Variants in OPHN1 observed in about 807,000 individuals in gnomAD.
The protein encoded by OPHN1 is oligophrenin 1.
In OPHN1, 11 loss-of-function variants were observed where a neutral mutation model predicts 60.7. That is an observed-to-expected ratio of 0.18 (90% CI 0.11 to 0.30). The LOEUF (loss-of-function observed/expected upper bound fraction) is 0.30. Among genes scored for constraint, OPHN1 ranks in the 10% least tolerant of loss-of-function variants. The pLI, the probability that OPHN1 is intolerant of heterozygous loss-of-function variation, is 1.00. For synonymous variants in OPHN1, 226 were observed against 222.6 expected (o/e 1.02, Z -0.14); for missense variants, 449 against 611.0 (o/e 0.73, Z 2.80).
At chrX:68,201,496 A>G in intron 11 of OPHN1, 123 bp downstream of exon 11, 1 of 589,302 alleles carries the variant, frequency 1.7e-6, no homozygotes, top group Non-Finnish European at 2.9e-6. Context: ...TAGACTCACA[A>G]CAAAGTCCTG....
rs745939144 is a variant in OPHN1, at chrX:68,199,862, T to A, written c.1025+1757A>T. 9.8e-5 allele frequency among the ~76,000 whole-genome samples: 11 copies of A among 112,241 alleles called. No homozygotes were observed. The East Asian group carries it at 2.5e-3, about 26-fold the overall frequency. ...GATGTCTTGAGGCCAGGAGTTCAAG[T>A]CAAGCCTGGCCAACATGGTGAAACC... On this transcript the variant is annotated intron_variant, in intron 11 of 24. Coordinates refer to ENST00000355520, the MANE Select transcript of OPHN1 (RefSeq NM_002547.3).
At chrX:68,422,654 G>A (rs1270803195) in intron 2 of OPHN1, among the ~76,000 whole-genome samples, 1 of 93,658 alleles carries the variant, frequency 1.1e-5, no homozygotes, top group Non-Finnish European at 2.1e-5. Context: ...AAGGAGGGAG[G>A]GAGGAAAGAA....
At chrX:68,051,950 G>A (rs774603061) in intron 23 of OPHN1, among the ~76,000 whole-genome samples, 1 of 111,947 alleles carries the variant, frequency 8.9e-6, no homozygotes, top group East Asian at 2.8e-4. Context: ...GACAACTATG[G>A]GGACACAGGC....
intron 15 of OPHN1, among the ~76,000 whole-genome samples, chrX:68,148,378 A>G (rs2077272283): frequency 9.0e-6 from 1 of 110,712 alleles, no homozygotes; most frequent in Admixed American, 9.7e-5. Context: ...TTTCTTTTCC[A>G]GCCTGTGTTA....
chrX:68,381,917 T>A (rs1368772216), intron 2 of OPHN1, among the ~76,000 whole-genome samples: 1 of 111,820 alleles, frequency 8.9e-6, no homozygotes, highest in African/African-American at 3.3e-5. Context: ...AAGTAACAAG[T>A]GATTAATAAA....
chrX:68,335,396 T>C (rs1195139538), intron 2 of OPHN1, among the ~76,000 whole-genome samples: 1 of 112,032 alleles, frequency 8.9e-6, no homozygotes. Flanking sequence ...GGAATGTCCA[T>C]TGCTGATTCA....
intron 15 of OPHN1, among the ~76,000 whole-genome samples, chrX:68,127,340 C>T (rs1383799797): frequency 9.0e-6 from 1 of 111,393 alleles, no homozygotes; most frequent in Non-Finnish European, 1.9e-5. Context: ...TAATGAAGGA[C>T]AAAAATTATT....
At chrX:68,403,452 A>G (rs952124740) in intron 2 of OPHN1, among the ~76,000 whole-genome samples, 1 of 111,749 alleles carries the variant, frequency 8.9e-6, no homozygotes, top group Non-Finnish European at 1.9e-5. Context: ...GATAAAAATC[A>G]TATGCCTTCT....
chrX:68,280,934 CA>C (rs1321790599), intron 4 of OPHN1, among the ~76,000 whole-genome samples: 2 of 110,764 alleles, frequency 1.8e-5, no homozygotes, highest in Non-Finnish European at 3.8e-5. Context: ...TGAAAAAAAT[CA>C]AAAAAGATAT....
intron 2 of OPHN1, among the ~76,000 whole-genome samples, chrX:68,309,664 G>A (rs1305661247): frequency 8.9e-6 from 1 of 112,253 alleles, no homozygotes; most frequent in African/African-American, 3.2e-5. Context: ...TATGAAAAAT[G>A]TGAGTCACCA....
At chrX:68,230,937 A>G (rs1046280409) in intron 6 of OPHN1, among the ~76,000 whole-genome samples, 6 of 111,858 alleles carry the variant, frequency 5.4e-5, no homozygotes, top group Admixed American at 9.5e-5. Context: ...TGAAGATATC[A>G]ACGAAATTAA....
At chrX:68,318,875 C>T (rs1444460252) in intron 2 of OPHN1, among the ~76,000 whole-genome samples, 1 of 111,501 alleles carries the variant, frequency 9.0e-6, no homozygotes, top group African/African-American at 3.3e-5. Context: ...GAATGTCTCT[C>T]AATTAAGATC....
At chrX:68,055,163 C>T (rs917633472) in intron 21 of OPHN1, among the ~76,000 whole-genome samples, 1 of 111,741 alleles carries the variant, frequency 8.9e-6, no homozygotes, top group African/African-American at 3.3e-5. Context: ...TTAAGGCAAA[C>T]CCTTGACTCT....
At chrX:68,357,460 T>C (rs1055709140) in intron 2 of OPHN1, among the ~76,000 whole-genome samples, 1 of 107,758 alleles carries the variant, frequency 9.3e-6, no homozygotes, top group African/African-American at 3.4e-5. Context: ...TGTCCATGTG[T>C]TCTCATTGTT....
chrX:68,164,137 G>A (rs1485716839), intron 15 of OPHN1, among the ~76,000 whole-genome samples: 1 of 111,151 alleles, frequency 9.0e-6, no homozygotes, highest in African/African-American at 3.3e-5. Context: ...TGTGTCCAAG[G>A]TCAAAAAGCT....
chrX:68,260,478 T>C (rs1354284317), intron 5 of OPHN1, among the ~76,000 whole-genome samples: 3 of 110,528 alleles, frequency 2.7e-5, no homozygotes, highest in African/African-American at 9.9e-5. Flanking sequence ...GAGTGCAGGG[T>C]AGTAGAAAGA....
At chrX:68,154,973 C>T (rs745706995) in intron 15 of OPHN1, among the ~76,000 whole-genome samples, 5 of 108,459 alleles carry the variant, frequency 4.6e-5, no homozygotes, top group Non-Finnish European at 9.5e-5. Context: ...GTGTAGAAAT[C>T]GGGAGTAGAG....
chrX:68,257,965 C>T (rs1282745608), intron 5 of OPHN1, among the ~76,000 whole-genome samples: 1 of 110,156 alleles, frequency 9.1e-6, no homozygotes, highest in Non-Finnish European at 1.9e-5. Flanking sequence ...AGCGAGATCA[C>T]CCTTGTAATT....
chrX:68,177,880 G>A (rs1381772423), intron 15 of OPHN1, among the ~76,000 whole-genome samples: 1 of 111,863 alleles, frequency 8.9e-6, no homozygotes, highest in Non-Finnish European at 1.9e-5. Context: ...TGAGATTTGG[G>A]CAGGGACACA....
Sources: allele counts gnomAD v4.1 joint callset (sites outside exome capture counted in the v4.1 genomes callset), GRCh38; gene constraint gnomAD v4.1.1; transcripts MANE v1.5; gene names NCBI Gene and HGNC (gene_info 2026-07-23, HGNC 2026-07-21).